SNX9: variants seen among roughly 807,000 people sequenced by gnomAD.
The protein encoded by SNX9 is sorting nexin 9.
In SNX9, 44 loss-of-function variants were observed where a neutral mutation model predicts 89.4. The observed-to-expected ratio is 0.49, with a 90% CI of 0.39 to 0.63. The LOEUF (loss-of-function observed/expected upper bound fraction) is 0.63, where lower values mean the gene tolerates loss of function less well. Among genes scored for constraint, SNX9 ranks in the 30% least tolerant of loss-of-function variants. The pLI, the probability that SNX9 is intolerant of heterozygous loss-of-function variation, is 0.00. For missense variants in SNX9, 578 were observed against 736.1 expected (o/e 0.79, Z 2.49); for synonymous variants, 236 against 247.8 (o/e 0.95, Z 0.45).
intron 5 of SNX9, 66 bp downstream of exon 5, chr6:157,897,064 C>G: frequency 2.1e-6 from 3 of 1,458,676 alleles, no homozygotes; most frequent in Non-Finnish European, 2.7e-6. Flanking sequence ...CAGGGAAGAC[C>G]GAACTGTTTT....
chr6:157,928,475 CTT>C (rs1251822428), intron 11 of SNX9, 122 bp from the exon 12 acceptor site: 16 of 704,796 alleles, frequency 2.3e-5, no homozygotes, highest in Admixed American at 9.6e-5. Context: ...TTAAGGCTAA[CTT>C]AGTGAAAGGG....
rs771761697 is a variant in SNX9 at position 157,940,968 on chromosome 6, C to T, written c.1734C>T (p.Tyr578=). 26 of 1,613,956 alleles carry T rather than the reference C, an allele frequency of 1.6e-5. No individual in the cohort carries two copies. The highest frequency in any genetic ancestry group is 1.9e-5 in the Non-Finnish European group (23 of 1,179,970). ...RLYLEQQVQF[Y]ETIAEKLRQA... Reference sequence around the variant, plus strand: ...ACCTGGAGCAGCAAGTGCAATTTTACGAAACGGTGAGTGGGCGTCCACGTG... The same window carrying T: ...ACCTGGAGCAGCAAGTGCAATTTTATGAAACGGTGAGTGGGCGTCCACGTG... Residue 578 remains tyrosine (Y), a synonymous_variant, in exon 17 of 18, where the codon TAC becomes TAT. Transcript: ENST00000392185.
intron 1 of SNX9, among the ~76,000 whole-genome samples, chr6:157,855,241 G>T (rs1781986390): frequency 6.6e-6 from 1 of 152,036 alleles, no homozygotes; most frequent in African/African-American, 2.4e-5. Context: ...TTGTTCTTTT[G>T]GCTGCGGTAT....
At chr6:157,903,585 T>G (rs1783151012) in intron 6 of SNX9, among the ~76,000 whole-genome samples, 3 of 152,220 alleles carry the variant, frequency 2.0e-5, no homozygotes, top group Admixed American at 6.5e-5. Flanking sequence ...ATAAAGTATA[T>G]TGAAAATTCA....
Position 157,835,170 on chromosome 6 carries a change from G to A in SNX9, c.12+11724G>A, listed in dbSNP as rs937991164. 3.3e-4 allele frequency among the ~76,000 whole-genome samples: 50 copies of A among 151,918 alleles called. 1 individual carries two copies. Among genetic ancestry groups the A allele is most frequent in the Non-Finnish European group, 1.0e-4 (7 of 67,998 alleles). On this transcript the variant is annotated intron_variant, in intron 1 of 17. Transcript: ENST00000392185. Reference sequence around the variant, plus strand: ...TGGGATTACAGATGTGTGCCACCACGCTCAGCTAATTTCTGTATTTTTAGT... The same window carrying A: ...TGGGATTACAGATGTGTGCCACCACACTCAGCTAATTTCTGTATTTTTAGT...
chr6:157,898,857 G>T (rs1403949402), intron 5 of SNX9, among the ~76,000 whole-genome samples: 2 of 152,206 alleles, frequency 1.3e-5, no homozygotes, highest in African/African-American at 2.4e-5. Flanking sequence ...TCATAGACAG[G>T]AGCTGCCTGT....
chr6:157,833,909 T>G (rs1376639207), intron 1 of SNX9, among the ~76,000 whole-genome samples: 1 of 152,164 alleles, frequency 6.6e-6, no homozygotes, highest in Non-Finnish European at 1.5e-5. Flanking sequence ...AGCACCAGGT[T>G]TTTGTAGTGA....
rs1387578994 is a variant in SNX9 at position 157,943,180 on chromosome 6, TTATATAATTTA to T, written c.*345_*355del. On this transcript the variant is annotated 3_prime_UTR_variant, in exon 18 of 18. Coordinates refer to ENST00000392185, the MANE Select transcript of SNX9 (RefSeq NM_016224.5). ...TTATATGTCTTATAAATTATAAGTC[TTATATAATTTA>T]TAAGTCTCCCACAATCTTCCAGTTC... 1 of 177,742 alleles carries T rather than the reference TTATATAATTTA, an allele frequency of 5.6e-6. No individual in the cohort carries two copies. The highest frequency in any genetic ancestry group is 1.2e-5 in the Non-Finnish European group (1 of 85,542). 11.0% of individuals were successfully genotyped at this position (177,742 alleles called of 1,614,324 possible).
chr6:157,889,001 G>A (rs1427717907), intron 4 of SNX9, among the ~76,000 whole-genome samples: 1 of 152,162 alleles, frequency 6.6e-6, no homozygotes, highest in Non-Finnish European at 1.5e-5. Context: ...AAAAATTCAA[G>A]AGGAAGGGGA....
chr6:157,834,233 A>G (rs1426002840), intron 1 of SNX9, among the ~76,000 whole-genome samples: 5 of 119,534 alleles, frequency 4.2e-5, no homozygotes, highest in East Asian at 4.9e-4. Flanking sequence ...CAGTGGTGCA[A>G]CCTCCACTGA....
chr6:157,898,528 T>C (rs1783027036), intron 5 of SNX9, among the ~76,000 whole-genome samples: 1 of 150,764 alleles, frequency 6.6e-6, no homozygotes, highest in African/African-American at 2.5e-5. Context: ...CAGAAACGTG[T>C]ATGTGGATGG....
rs1261570734 is a variant in SNX9, at chr6:157,943,278, T to TA, written c.*446dup. 1 of 152,974 alleles carries TA rather than the reference T, an allele frequency of 6.5e-6. No homozygotes were observed. Among genetic ancestry groups the TA allele is most frequent in the African/African-American group, 2.4e-5 (1 of 41,490 alleles). 9.5% of individuals were successfully genotyped at this position (152,974 alleles called of 1,614,324 possible). A position where few individuals can be genotyped will look rare whatever the true frequency, so the allele number is the denominator to read the frequency against. On this transcript the variant is annotated 3_prime_UTR_variant, in exon 18 of 18. Transcript: ENST00000392185. ...CTTAAAAACATGAACTATGCCAGAATAAAAAATATCTATGTTTGTATATTT... is the reference window on the plus strand; with the variant it reads ...CTTAAAAACATGAACTATGCCAGAATAAAAAAATATCTATGTTTGTATATTT...
At position 157,823,413 on chromosome 6, in the gene SNX9, C is replaced by G; in HGVS notation, c.-22C>G. On this transcript the variant is annotated 5_prime_UTR_variant, in exon 1 of 18. Transcript: ENST00000392185. The surrounding 1 kb of genome is among the most constrained non-coding windows in gnomAD (Gnocchi z 4.6). ...GGCGCGGGAGACGAGCCGGCCGTCC[C>G]GGGCCGGGGGACCCGCCCGCCATGG... The G allele has an allele frequency of 2.4e-6, 3 of 1,255,650 alleles. No individual in the cohort carries two copies. The South Asian group carries it at 6.8e-5, about 28-fold the overall frequency. 77.8% of individuals were successfully genotyped at this position (1,255,650 alleles called of 1,614,324 possible). A position where few individuals can be genotyped will look rare whatever the true frequency, so the allele number is the denominator to read the frequency against.
chr6:157,930,318 A>G (rs988899367), intron 12 of SNX9, among the ~76,000 whole-genome samples: 2 of 152,232 alleles, frequency 1.3e-5, no homozygotes, highest in East Asian at 1.9e-4. Flanking sequence ...GCTGTATCCT[A>G]AATATATAGA....
rs763932830 is a variant in SNX9, at chr6:157,896,952, C to T, written c.426C>T (p.Asn142=). The T allele has an allele frequency of 6.2e-7, 1 of 1,612,586 alleles. No individual in the cohort carries two copies. The highest frequency in any genetic ancestry group is 1.1e-5 in the South Asian group (1 of 91,008). ...AGAQRNTNTP[N]NWDTAFGHPQ... Reference sequence around the variant, plus strand: ...CCCAAAGAAACACAAACACTCCCAACAACTGGGACACTGCCTTCGGCCACC... The same window carrying T: ...CCCAAAGAAACACAAACACTCCCAATAACTGGGACACTGCCTTCGGCCACC... Residue 142 remains asparagine, a synonymous_variant, in exon 5 of 18, where the codon AAC becomes AAT. Coordinates refer to ENST00000392185, the MANE Select transcript of SNX9 (RefSeq NM_016224.5).
At position 157,909,983 on chromosome 6, in the gene SNX9, T is replaced by G; in HGVS notation, c.907T>G (p.Ser303Ala). 6.2e-7 allele frequency: 1 copy of G among 1,614,128 alleles called. No individual in the cohort carries two copies. The highest frequency in any genetic ancestry group is 8.5e-7 in the Non-Finnish European group (1 of 1,180,004). Residue 303 changes from serine to alanine, a missense_variant, in exon 9 of 18, where the codon TCA (serine) becomes GCA (alanine). Physicochemically the swap from Ser to Ala is moderately conservative, Grantham distance 99. This residue lies in a region of SNX9 where 348 missense variants were observed against 491.4 expected (regional missense o/e 0.71). Transcript: ENST00000392185. ...TGAGCGTCTCCTGGTTAAGTTTGGGTCAGCCATTCCAATCCCTTCTCTTCC... is the reference window on the plus strand; with the variant it reads ...TGAGCGTCTCCTGGTTAAGTTTGGGGCAGCCATTCCAATCCCTTCTCTTCC... Reference protein sequence around the residue: ...LYERLLVKFGSAIPIPSLPDK... With the variant: ...LYERLLVKFGAAIPIPSLPDK...
intron 1 of SNX9, among the ~76,000 whole-genome samples, chr6:157,838,341 T>C (rs896181277): frequency 2.0e-5 from 3 of 151,938 alleles, no homozygotes; most frequent in African/African-American, 7.3e-5. Context: ...TATTCAACAG[T>C]CTCTCTCTAG....
intron 1 of SNX9, among the ~76,000 whole-genome samples, chr6:157,865,685 C>T (rs1782247512): frequency 6.6e-6 from 1 of 152,268 alleles, no homozygotes; most frequent in African/African-American, 2.4e-5. Flanking sequence ...ATTCGTCCAT[C>T]AGTCCATCTT....
chr6:157,823,360 G>T lies in SNX9; in HGVS notation c.-75G>T. ...AGCCGCCGCCCTCGCCCTTGCCTTTGCCTGCGCGGCTCAGAATCACCATCC... is the reference window on the plus strand; with the variant it reads ...AGCCGCCGCCCTCGCCCTTGCCTTTTCCTGCGCGGCTCAGAATCACCATCC... On this transcript the variant is annotated 5_prime_UTR_variant, in exon 1 of 18. Transcript: ENST00000392185. This position sits in a 1 kb window ranked among gnomAD's most constrained non-coding sequence, Gnocchi z 4.6. The T allele has an allele frequency of 3.2e-6, 4 of 1,253,344 alleles. No individual in the cohort carries two copies. The highest frequency in any genetic ancestry group is 4.0e-6 in the Non-Finnish European group (4 of 988,660). 77.6% of individuals were successfully genotyped at this position (1,253,344 alleles called of 1,614,324 possible).
Sources: allele counts gnomAD v4.1 joint callset (sites outside exome capture counted in the v4.1 genomes callset), GRCh38; gene constraint gnomAD v4.1.1; regional missense constraint gnomAD v4.1.1; non-coding constraint Gnocchi (gnomAD v3.1); transcripts MANE v1.5; gene names NCBI Gene and HGNC (gene_info 2026-07-23, HGNC 2026-07-21).